KIRREL3: variants seen among roughly 807,000 people sequenced by gnomAD.
KIRREL3 encodes kin of IRRE-like protein 3.
KIRREL3 carries 36 observed loss-of-function variants against 89.7 expected under a neutral mutation model. The observed-to-expected ratio is 0.40, with a 90% CI of 0.31 to 0.53. The LOEUF (loss-of-function observed/expected upper bound fraction) is 0.53, where lower values mean the gene tolerates loss of function less well. Among genes scored for constraint, KIRREL3 ranks in the 20% least tolerant of loss-of-function variants. The pLI is 0.49. For synonymous variants in KIRREL3, 445 were observed against 441.4 expected (o/e 1.01, Z -0.10); for missense variants, 864 against 1,056.6 (o/e 0.82, Z 2.53).
At chr11:126,745,257 T>C (rs1317883284) in intron 1 of KIRREL3, among the ~76,000 whole-genome samples, 1 of 152,152 alleles carries the variant, frequency 6.6e-6, no homozygotes, top group Non-Finnish European at 1.5e-5. Flanking sequence ...ACTCTGAAAT[T>C]GCAGGCTTTC....
rs1320496355 is a variant in KIRREL3 at position 126,682,824 on chromosome 11, G to A, written c.56-119912C>T. 6.6e-6 allele frequency among the ~76,000 whole-genome samples: 1 copy of A among 152,214 alleles called. No individual in the cohort carries two copies. Among genetic ancestry groups the A allele is most frequent in the East Asian group, 1.9e-4 (1 of 5,202 alleles). On this transcript the variant is annotated intron_variant, in intron 1 of 16. Coordinates refer to ENST00000525144, the MANE Select transcript of KIRREL3 (RefSeq NM_032531.4). This position sits in a 1 kb window ranked among gnomAD's most constrained non-coding sequence, Gnocchi z 4.8. The stretch of plus-strand genomic sequence containing the variant: ...ACTCACCTGCCGCTCACCTCCTGCT[G>A]TGTAGTCTGGTTCCTAACAGGCTGA...
In KIRREL3 at chr11:126,643,015, C is replaced by CATCCATCCATCCATCA. The variant is rs1944531414; in HGVS notation, c.56-80104_56-80103insTGATGGATGGATGGAT. 6.6e-6 allele frequency among the ~76,000 whole-genome samples: 1 copy of CATCCATCCATCCATCA among 151,914 alleles called. No homozygotes were observed. The highest frequency in any genetic ancestry group is 2.4e-5 in the African/African-American group (1 of 41,396). On this transcript the variant is annotated intron_variant, in intron 1 of 16. Coordinates refer to ENST00000525144, the MANE Select transcript of KIRREL3 (RefSeq NM_032531.4). This position sits in a 1 kb window ranked among gnomAD's most constrained non-coding sequence, Gnocchi z 4.5. Reference sequence around the variant, plus strand: ...CCATCCATCCATCCATCCATCCATCCATCTATCCATCCATCCAATGCAAGG... The same window carrying CATCCATCCATCCATCA: ...CCATCCATCCATCCATCCATCCATCCATCCATCCATCCATCAATCTATCCATCCATCCAATGCAAGG...
intron 1 of KIRREL3, among the ~76,000 whole-genome samples, chr11:126,760,141 A>G (rs925631516): frequency 2.0e-5 from 3 of 152,180 alleles, no homozygotes; most frequent in Non-Finnish European, 4.4e-5. Context: ...TGCCAGACAT[A>G]GTTCTGGCAA....
rs1949971935 is a variant in KIRREL3 at position 126,989,782 on chromosome 11, T to G, written c.55+10673A>C. 6.6e-6 allele frequency among the ~76,000 whole-genome samples: 1 copy of G among 152,162 alleles called. No individual in the cohort carries two copies. The highest frequency in any genetic ancestry group is 2.4e-5 in the African/African-American group (1 of 41,446). The stretch of plus-strand genomic sequence containing the variant: ...TGTCTCTCCTGCAGCATGAAGGCCA[T>G]TGTTTCCAGGGCCTGTGGCCAGGAT... On this transcript the variant is annotated intron_variant, in intron 1 of 16. Transcript: ENST00000525144. This position sits in a 1 kb window ranked among gnomAD's most constrained non-coding sequence, Gnocchi z 6.2.
rs1279502770 is a variant in KIRREL3 at position 126,645,750 on chromosome 11, T to C, written c.56-82838A>G. Among the ~76,000 whole-genome samples, 1 of 152,216 alleles carries C rather than the reference T, an allele frequency of 6.6e-6. No individual in the cohort carries two copies. The highest frequency in any genetic ancestry group is 1.5e-5 in the Non-Finnish European group (1 of 68,046). On this transcript the variant is annotated intron_variant, in intron 1 of 16. Coordinates refer to ENST00000525144, the MANE Select transcript of KIRREL3 (RefSeq NM_032531.4). This position sits in a 1 kb window ranked among gnomAD's most constrained non-coding sequence, Gnocchi z 4.9. Reference sequence around the variant, plus strand: ...TCGTTGTACTGAATGGCAGATAAGGTGGTGTCTTCGCCTATGCTTTGGACC... The same window carrying C: ...TCGTTGTACTGAATGGCAGATAAGGCGGTGTCTTCGCCTATGCTTTGGACC...
At position 126,443,353 on chromosome 11, in the gene KIRREL3, C is replaced by T. The variant is rs1046176877; in HGVS notation, c.1252+1626G>A. ...CTGGAGCTCTGAGCCGAGTGTCAGA[C>T]ACCTGCGCTGAAAGGAAAAGGCTGC... is the stretch of plus-strand genomic sequence containing the variant. On this transcript the variant is annotated intron_variant, in intron 10 of 16. Transcript: ENST00000525144. This position sits in a 1 kb window ranked among gnomAD's most constrained non-coding sequence, Gnocchi z 7.3. Among the ~76,000 whole-genome samples the T allele has an allele frequency of 5.3e-5, 8 of 152,172 alleles. No homozygotes were observed. The highest frequency in any genetic ancestry group is 1.7e-4 in the African/African-American group (7 of 41,436).
At position 126,645,420 on chromosome 11, in the gene KIRREL3, C is replaced by T. The variant is rs888878594; in HGVS notation, c.56-82508G>A. Among the ~76,000 whole-genome samples the T allele has an allele frequency of 2.6e-5, 4 of 152,140 alleles. No homozygotes were observed. The highest frequency in any genetic ancestry group is 9.7e-5 in the African/African-American group (4 of 41,432). ...ACCGTGAGCCATTTGAGGGCAGAGA[C>T]CAGACCATCTCCGCAGCCTCTCAGG... On this transcript the variant is annotated intron_variant, in intron 1 of 16. Coordinates refer to ENST00000525144, the MANE Select transcript of KIRREL3 (RefSeq NM_032531.4). The surrounding 1 kb of genome is among the most constrained non-coding windows in gnomAD (Gnocchi z 4.9).
chr11:126,639,566 T>A lies in KIRREL3; in HGVS notation c.56-76654A>T, dbSNP rs1944392615. Among the ~76,000 whole-genome samples, 1 of 152,194 alleles carries A rather than the reference T, an allele frequency of 6.6e-6. No individual in the cohort carries two copies. Among genetic ancestry groups the A allele is most frequent in the Admixed American group, 6.5e-5 (1 of 15,272 alleles). On this transcript the variant is annotated intron_variant, in intron 1 of 16. Coordinates refer to ENST00000525144, the MANE Select transcript of KIRREL3 (RefSeq NM_032531.4). This position sits in a 1 kb window ranked among gnomAD's most constrained non-coding sequence, Gnocchi z 4.3. ...AACCACCAATTGCATCCCAGGACAG[T>A]TGCTGAAAGTCTCAGGGCTCTGCAA...
intron 1 of KIRREL3, chr11:126,936,319 T>A (rs1948181947): frequency 6.6e-6 from 1 of 152,214 alleles, no homozygotes; most frequent in African/African-American, 2.4e-5. Context: ...ACAGCCACTT[T>A]GGAAAATAGT....
chr11:126,653,435 G>GT lies in KIRREL3; in HGVS notation c.56-90524dup, dbSNP rs1172628571. ...TCTCTAGCGCCTCACCGTCTTTGCT[G>GT]TAAGATGGAGATAATGATACCTCAT... On this transcript the variant is annotated intron_variant, in intron 1 of 16. Coordinates refer to ENST00000525144, the MANE Select transcript of KIRREL3 (RefSeq NM_032531.4). The surrounding 1 kb of genome is among the most constrained non-coding windows in gnomAD (Gnocchi z 5.4). Among the ~76,000 whole-genome samples, 1 of 152,166 alleles carries GT rather than the reference G, an allele frequency of 6.6e-6. No individual in the cohort carries two copies. Among genetic ancestry groups the GT allele is most frequent in the Non-Finnish European group, 1.5e-5 (1 of 68,022 alleles).
At chr11:126,799,356 G>A (rs147113191) in intron 1 of KIRREL3, among the ~76,000 whole-genome samples, 11 of 38,452 alleles carry the variant, frequency 2.9e-4, no homozygotes, top group African/African-American at 8.9e-4. Context: ...GTATCTCTGT[G>A]TGTATCTGTG....
At chr11:126,493,527 T>C (rs1236205987) in intron 4 of KIRREL3, among the ~76,000 whole-genome samples, 21 of 151,698 alleles carry the variant, frequency 1.4e-4, no homozygotes, top group Non-Finnish European at 2.8e-4. Context: ...TGGTGGTGGG[T>C]GCCTGTAGTC....
At position 126,425,628 on chromosome 11, in the gene KIRREL3, C is replaced by T. The variant is rs1429568277; in HGVS notation, c.1893+10G>A. The T allele has an allele frequency of 1.1e-5, 18 of 1,570,116 alleles. No homozygotes were observed. The highest frequency in any genetic ancestry group is 1.6e-5 in the Non-Finnish European group (18 of 1,155,082). On this transcript the variant is annotated intron_variant, in intron 16 of 16. Transcript: ENST00000525144. Reference sequence around the variant, plus strand: ...CATGGCTGTGTCTTATAACCCGGGGCCCTTCTTACCTTCAGGTTCTGAAAC... The same window carrying T: ...CATGGCTGTGTCTTATAACCCGGGGTCCTTCTTACCTTCAGGTTCTGAAAC...
chr11:126,907,609 G>A (rs1028360693), intron 1 of KIRREL3, among the ~76,000 whole-genome samples: 7 of 152,166 alleles, frequency 4.6e-5, no homozygotes, highest in Non-Finnish European at 7.3e-5. Flanking sequence ...CTCAAAAAGC[G>A]TTCTGAGTAC....
chr11:126,555,897 C>G lies in KIRREL3; in HGVS notation c.133+6938G>C, dbSNP rs758197543. On this transcript the variant is annotated intron_variant, in intron 2 of 16. Coordinates refer to ENST00000525144, the MANE Select transcript of KIRREL3 (RefSeq NM_032531.4). The surrounding 1 kb of genome is among the most constrained non-coding windows in gnomAD (Gnocchi z 4.2). ...TTGGGATTACAGGTGTGTGCCACCA[C>G]GCCTGGCTAATTTTTTGTGTTTTTG... Among the ~76,000 whole-genome samples, 1 of 152,086 alleles carries G rather than the reference C, an allele frequency of 6.6e-6. No homozygotes were observed. Among genetic ancestry groups the G allele is most frequent in the Non-Finnish European group, 1.5e-5 (1 of 68,020 alleles).
Position 126,950,390 on chromosome 11 carries a change from C to CA in KIRREL3, c.55+50064dup, listed in dbSNP as rs776888467. 3.2e-4 allele frequency among the ~76,000 whole-genome samples: 48 copies of CA among 150,846 alleles called. 1 individual carries two copies. The highest frequency in any genetic ancestry group is 2.1e-3 in the South Asian group (10 of 4,760). On this transcript the variant is annotated intron_variant, in intron 1 of 16. Coordinates refer to ENST00000525144, the MANE Select transcript of KIRREL3 (RefSeq NM_032531.4). ...GAAAACAAAAACAAAAACAAACAAA[C>CA]AAACAAACAAAACCAAAAAACATGC...
rs1956899072 is a variant in KIRREL3 at position 126,471,760 on chromosome 11, G to A, written c.591+1549C>T. The stretch of plus-strand genomic sequence containing the variant: ...GTTGGTCTGCTTTGATATAAAGCCT[G>A]CTTGCTATCTCCAGGAATTAGCTTA... On this transcript the variant is annotated intron_variant, in intron 5 of 16. Transcript: ENST00000525144. This position sits in a 1 kb window ranked among gnomAD's most constrained non-coding sequence, Gnocchi z 5.4. Among the ~76,000 whole-genome samples, 1 of 152,160 alleles carries A rather than the reference G, an allele frequency of 6.6e-6. No individual in the cohort carries two copies. The highest frequency in any genetic ancestry group is 2.4e-5 in the African/African-American group (1 of 41,440).
At chr11:126,674,809 C>A (rs1946113879) in intron 1 of KIRREL3, among the ~76,000 whole-genome samples, 1 of 152,198 alleles carries the variant, frequency 6.6e-6, no homozygotes, top group South Asian at 2.1e-4. Context: ...GCTTACCCTG[C>A]ACACTCCCAC....
In KIRREL3 at chr11:126,475,266, T is replaced by C. The variant is rs1957033167; in HGVS notation, c.434-1800A>G. The stretch of plus-strand genomic sequence containing the variant: ...CCGGGCCCGTCCTGACTCCACTGGC[T>C]CAGCCTTCCAGCCTCAGCCTGCATG... On this transcript the variant is annotated intron_variant, in intron 4 of 16. Coordinates refer to ENST00000525144, the MANE Select transcript of KIRREL3 (RefSeq NM_032531.4). The surrounding 1 kb of genome is among the most constrained non-coding windows in gnomAD (Gnocchi z 7.5). Among the ~76,000 whole-genome samples, 1 of 151,896 alleles carries C rather than the reference T, an allele frequency of 6.6e-6. No homozygotes were observed. Among genetic ancestry groups the C allele is most frequent in the African/African-American group, 2.4e-5 (1 of 41,350 alleles).
Sources: allele counts gnomAD v4.1 joint callset (sites outside exome capture counted in the v4.1 genomes callset), GRCh38; gene constraint gnomAD v4.1.1; non-coding constraint Gnocchi (gnomAD v3.1); transcripts MANE v1.5; gene names NCBI Gene and HGNC (gene_info 2026-07-23, HGNC 2026-07-21).